ATF7IP: variants seen among roughly 807,000 people sequenced by gnomAD.
ATF7IP encodes activating transcription factor 7 interacting protein.
Under a neutral mutation model 106.4 loss-of-function variants are expected in ATF7IP, and 23 were observed. The observed-to-expected ratio is 0.22, with a 90% confidence interval of 0.16 to 0.31. The LOEUF is 0.31. Ranked by LOEUF, ATF7IP falls within the 10% of genes least tolerant of loss-of-function variation. The probability of loss-of-function intolerance (pLI) is 1.00; values close to 1 mark genes in which losing one functional copy is unlikely to be tolerated. For synonymous variants in ATF7IP, 542 were observed against 539.0 expected (o/e 1.01, Z -0.08); for missense variants, 1,334 against 1,524.3 (o/e 0.88, Z 2.08).
At chr12:14,375,896 C>G (rs1463232270) in intron 1 of ATF7IP, among the ~76,000 whole-genome samples, 1 of 152,108 alleles carries the variant, frequency 6.6e-6, no homozygotes, top group African/African-American at 2.4e-5. Flanking sequence ...TTCTTGATTT[C>G]TGGAGCTAGA....
In ATF7IP at chr12:14,389,194, A is replaced by G. The variant is rs113207813; in HGVS notation, c.-8+23367A>G. ...ATTTAAAAACTATGGGAAATTTCTT[A>G]TATAACTCATGCTCAGAAGCAAGAA... On this transcript the variant is annotated intron_variant, in intron 1 of 14. Coordinates refer to ENST00000261168, the MANE Select transcript of ATF7IP (RefSeq NM_018179.5). Among the ~76,000 whole-genome samples, 675 of 152,326 alleles carry G rather than the reference A, an allele frequency of 4.4e-3. 3 individuals are homozygous for G. The highest frequency in any genetic ancestry group is 0.014 in the East Asian group (75 of 5,190).
intron 9 of ATF7IP, among the ~76,000 whole-genome samples, chr12:14,463,738 GGAGGCTCTTGTAC>G (rs1440080646): frequency 6.6e-6 from 1 of 152,134 alleles, no homozygotes; most frequent in Non-Finnish European, 1.5e-5. Context: ...TTAAGAGGCT[GGAGGCTCTTGTAC>G]TGTACAAGAT....
chr12:14,402,127 C>CTTTTTTTTTTTTTTTTTTT (rs11297116), intron 1 of ATF7IP, among the ~76,000 whole-genome samples: 1 of 101,874 alleles, frequency 9.8e-6, no homozygotes, highest in Non-Finnish European at 1.9e-5. Context: ...TTTCTTCTTT[C>CTTTTTTTTTTTTTTTTTTT]TTTTTTTTTT....
At chr12:14,497,573 T>G in intron 14 of ATF7IP, 81 bp from the exon 15 acceptor site, 3 of 1,325,318 alleles carry the variant, frequency 2.3e-6, no homozygotes, top group Non-Finnish European at 3.1e-6. Context: ...TCTACGTATG[T>G]TCTCTAAGGT....
intron 1 of ATF7IP, among the ~76,000 whole-genome samples, chr12:14,376,597 C>T (rs945627794): frequency 2.8e-4 from 42 of 152,180 alleles, no homozygotes; most frequent in African/African-American, 9.9e-4. Context: ...TACCAGAAAC[C>T]GCATCATCTG....
In ATF7IP at chr12:14,500,161, G is replaced by A. The variant is rs1945124784; in HGVS notation, c.*2088G>A. 1 of 152,132 alleles carries A rather than the reference G, an allele frequency of 6.6e-6. No individual in the cohort carries two copies. The highest frequency in any genetic ancestry group is 2.1e-4 in the South Asian group (1 of 4,830). 9.4% of individuals were successfully genotyped at this position (152,132 alleles called of 1,614,324 possible). ...TCAAAATAGTGATTCATTTTTCCTA[G>A]AATTACAGGAGGGAGCTCTTTTACT... On this transcript the variant is annotated 3_prime_UTR_variant, in exon 15 of 15. Coordinates refer to ENST00000261168, the MANE Select transcript of ATF7IP (RefSeq NM_018179.5).
intron 10 of ATF7IP, among the ~76,000 whole-genome samples, chr12:14,472,540 C>G (rs1318218402): frequency 6.6e-6 from 1 of 152,092 alleles, no homozygotes; most frequent in Non-Finnish European, 1.5e-5. Flanking sequence ...GTTGCCCTTT[C>G]TTTCCTGAAA....
intron 13 of ATF7IP, among the ~76,000 whole-genome samples, chr12:14,495,046 A>G (rs1944970879): frequency 6.6e-6 from 1 of 151,930 alleles, no homozygotes; most frequent in East Asian, 1.9e-4. Context: ...GTTCCAGGGC[A>G]GGAAGCATCC....
At chr12:14,491,849 T>C (rs1410962186) in intron 13 of ATF7IP, among the ~76,000 whole-genome samples, 1 of 152,162 alleles carries the variant, frequency 6.6e-6, no homozygotes, top group Non-Finnish European at 1.5e-5. Context: ...CTTACAGTAA[T>C]CCACTGCCAT....
chr12:14,423,123 G>A (rs995058754), intron 1 of ATF7IP, among the ~76,000 whole-genome samples: 4 of 151,944 alleles, frequency 2.6e-5, no homozygotes, highest in Non-Finnish European at 4.4e-5. Flanking sequence ...TTTGACTTGC[G>A]TTTCCCTGAT....
At chr12:14,440,865 G>C (rs748740595) in intron 5 of ATF7IP, among the ~76,000 whole-genome samples, 2 of 152,076 alleles carry the variant, frequency 1.3e-5, no homozygotes, top group African/African-American at 2.4e-5. Context: ...TTCACTTAGC[G>C]TGTTTTCCAG....
intron 1 of ATF7IP, among the ~76,000 whole-genome samples, chr12:14,397,610 C>T (rs985704126): frequency 2.2e-4 from 33 of 152,036 alleles, no homozygotes; most frequent in African/African-American, 7.5e-4. Flanking sequence ...TCTCATAGCC[C>T]CCCACTTTCT....
chr12:14,496,315 T>C lies in ATF7IP; in HGVS notation c.3365T>C (p.Val1122Ala), dbSNP rs370384639. ...TLGSTGPQLT[V>A]HHRPPQVHTE... is the part of the protein sequence containing the mutation. ...GGATCAACAGGACCTCAGCTCACAGTGCATCACCGACCACCACAAGTGCAT... is the reference window on the plus strand; with the variant it reads ...GGATCAACAGGACCTCAGCTCACAGCGCATCACCGACCACCACAAGTGCAT... The change falls in exon 14 of 15, where the codon GTG (valine) becomes GCG (alanine). Residue 1122 changes from valine (V) to alanine (A), a missense_variant. Physicochemically the swap from Val to Ala is moderately conservative, Grantham distance 64. Transcript: ENST00000261168. 6.2e-7 allele frequency: 1 copy of C among 1,613,702 alleles called. No homozygotes were observed. The highest frequency in any genetic ancestry group is 1.3e-5 in the African/African-American group (1 of 74,930).
chr12:14,402,131 T>C (rs186333482), intron 1 of ATF7IP, among the ~76,000 whole-genome samples: 12 of 145,054 alleles, frequency 8.3e-5, no homozygotes, highest in East Asian at 4.0e-4. Context: ...TTCTTTCTTT[T>C]TTTTTTTTTT....
At position 14,496,373 on chromosome 12, in the gene ATF7IP, T is replaced by C. The variant is rs762660153; in HGVS notation, c.3393+30T>C. ...GTGTTGATGCTTGGTTTTGCAAAAT[T>C]CTCAACTGTAGAGGTATAAAATATT... On this transcript the variant is annotated intron_variant, in intron 14 of 14. Transcript: ENST00000261168. 9.0e-6 allele frequency: 13 copies of C among 1,436,976 alleles called. No homozygotes were observed. In the East Asian group the frequency reaches 3.0e-4, roughly 33 times the overall value. 89.0% of individuals were successfully genotyped at this position (1,436,976 alleles called of 1,614,324 possible).
In ATF7IP at chr12:14,497,904, A is replaced by G; in HGVS notation, c.3644A>G (p.Lys1215Arg). The change falls in exon 15 of 15, where the codon AAG (lysine) becomes AGG (arginine). Residue 1215 changes from lysine to arginine, a missense_variant. Around this residue, in one of 10 missense-constraint regions of ATF7IP, gnomAD observed 80 missense variants for 157.0 expected, o/e 0.51. Coordinates refer to ENST00000261168, the MANE Select transcript of ATF7IP (RefSeq NM_018179.5). ...PSATVPSQWK[K>R]IGEVKALPLP... ...GCCACTGTGCCCTCACAATGGAAAA[A>G]GATTGGGGAAGTCAAGGCACTTCCC... is the stretch of plus-strand genomic sequence containing the variant. 6.2e-7 allele frequency: 1 copy of G among 1,614,150 alleles called. No individual in the cohort carries two copies. The highest frequency in any genetic ancestry group is 8.5e-7 in the Non-Finnish European group (1 of 1,180,028).
intron 1 of ATF7IP, among the ~76,000 whole-genome samples, chr12:14,370,213 A>G (rs7308067): frequency 0.57 from 85,899 of 151,976 alleles, 24,700 homozygotes; most frequent in African/African-American, 0.67. Flanking sequence ...TGGGAGTACA[A>G]GTGTGAGCCA....
chr12:14,431,894 A>T (rs1047348144), intron 2 of ATF7IP, among the ~76,000 whole-genome samples: 6 of 152,184 alleles, frequency 3.9e-5, no homozygotes, highest in Admixed American at 2.6e-4. Flanking sequence ...GTCTCTGTAG[A>T]ATTTGTTAAT....
chr12:14,456,683 C>T, intron 7 of ATF7IP, 49 bp downstream of exon 7: 1 of 1,329,188 alleles, frequency 7.5e-7, no homozygotes, highest in Non-Finnish European at 1.1e-6. Context: ...CAAAGTTCTA[C>T]TTTCTTTATT....
Sources: gnomAD v4.1 joint callset for allele counts (sites outside exome capture counted in the v4.1 genomes callset) on GRCh38, gnomAD v4.1.1 for gene constraint, gnomAD v4.1.1 regional missense constraint, MANE v1.5 for transcripts, NCBI Gene and HGNC (gene_info 2026-07-23, HGNC 2026-07-21) for gene names.